CDH13: variants seen among roughly 807,000 people sequenced by gnomAD.
CDH13 encodes cadherin 13, also known as cadherin-13.
A neutral mutation model predicts 63.8 loss-of-function variants in CDH13; 24 were observed. The ratio of observed to expected loss-of-function variants is 0.38; its 90% CI spans 0.27 to 0.53. CDH13 has a LOEUF of 0.53. Ranked by LOEUF, CDH13 falls within the 20% of genes least tolerant of loss-of-function variation. The pLI is 0.85. For synonymous variants in CDH13, 503 were observed against 355.3 expected (o/e 1.42, Z -4.67); for missense variants, 1,049 against 903.1 (o/e 1.16, Z -2.07).
intron 1 of CDH13, among the ~76,000 whole-genome samples, chr16:82,650,233 AT>A (rs1265100832): frequency 6.6e-6 from 1 of 152,230 alleles, no homozygotes; most frequent in South Asian, 2.1e-4. Flanking sequence ...GTGAGGTTGC[AT>A]TTTTTTCTCC....
intron 4 of CDH13, among the ~76,000 whole-genome samples, chr16:83,201,786 G>C (rs528488988): frequency 6.6e-6 from 1 of 151,612 alleles, no homozygotes; most frequent in African/African-American, 2.4e-5. Context: ...GCGTGGTAGC[G>C]GGTGCCTGTA....
chr16:83,466,366 A>G (rs1201823359), intron 6 of CDH13, among the ~76,000 whole-genome samples: 1 of 152,176 alleles, frequency 6.6e-6, no homozygotes, highest in Non-Finnish European at 1.5e-5. Flanking sequence ...TCTAGCGGCA[A>G]TAAGCTGGAC....
At chr16:83,214,309 G>T (rs929676302) in intron 4 of CDH13, among the ~76,000 whole-genome samples, 2 of 152,042 alleles carry the variant, frequency 1.3e-5, no homozygotes, top group African/African-American at 4.8e-5. Flanking sequence ...GCCGGACGTG[G>T]TGGCTCACAC....
In CDH13 at chr16:82,978,723, G is replaced by A. The variant is rs554688009; in HGVS notation, c.158-53287G>A. Among the ~76,000 whole-genome samples the A allele has an allele frequency of 2.6e-5, 4 of 152,388 alleles. No homozygotes were observed. In the East Asian group the frequency reaches 7.7e-4, roughly 29 times the overall value. ...CGTGATGTCCAGGCAGAAGTTTGCTGCAGGGACAGAACACTCATGGAGAAC... is the reference window on the plus strand; with the variant it reads ...CGTGATGTCCAGGCAGAAGTTTGCTACAGGGACAGAACACTCATGGAGAAC... On this transcript the variant is annotated intron_variant, in intron 2 of 13. Transcript: ENST00000567109.
intron 7 of CDH13, among the ~76,000 whole-genome samples, chr16:83,543,838 T>C (rs1299910780): frequency 2.0e-5 from 3 of 152,174 alleles, no homozygotes; most frequent in Non-Finnish European, 2.9e-5. Flanking sequence ...ACGTCAGTAG[T>C]GCCAGCGTAG....
intron 2 of CDH13, among the ~76,000 whole-genome samples, chr16:82,887,924 A>G (rs2151216616): frequency 6.6e-6 from 1 of 152,256 alleles, no homozygotes; most frequent in Middle Eastern, 3.4e-3. Context: ...TGAAAACAGC[A>G]TGGAAGCCCA....
At position 83,096,802 on chromosome 16, in the gene CDH13, T is replaced by C. The variant is rs190698033; in HGVS notation, c.367-28583T>C. Among the ~76,000 whole-genome samples the C allele has an allele frequency of 1.1e-3, 168 of 152,364 alleles. 1 individual carries two copies. The highest frequency in any genetic ancestry group is 9.7e-3 in the South Asian group (47 of 4,832). On this transcript the variant is annotated intron_variant, in intron 3 of 13. Coordinates refer to ENST00000567109, the MANE Select transcript of CDH13 (RefSeq NM_001257.5). ...ACCGCAAGAGTAGATTGAATGCTAT[T>C]GTTCAGTTTGCACTTAAAAATGATG...
intron 1 of CDH13, among the ~76,000 whole-genome samples, chr16:82,788,856 C>G (rs1382148093): frequency 6.6e-6 from 1 of 152,188 alleles, no homozygotes; most frequent in Non-Finnish European, 1.5e-5. Flanking sequence ...ACATGCATGA[C>G]TCTTAATGCC....
At chr16:83,379,025 A>G (rs12445411) in intron 6 of CDH13, among the ~76,000 whole-genome samples, 64,458 of 147,318 alleles carry the variant, frequency 0.44, 15,552 homozygotes, top group East Asian at 0.71. Context: ...ACACACACAC[A>G]CGTGTGTGTA....
chr16:82,762,494 T>G (rs1218498496), intron 1 of CDH13, among the ~76,000 whole-genome samples: 1 of 152,236 alleles, frequency 6.6e-6, no homozygotes, highest in Non-Finnish European at 1.5e-5. Context: ...AATAAACCCC[T>G]AAGTCAGTAA....
At chr16:83,103,493 A>G (rs1204091644) in intron 3 of CDH13, among the ~76,000 whole-genome samples, 3 of 151,832 alleles carry the variant, frequency 2.0e-5, no homozygotes, top group Non-Finnish European at 4.4e-5. Context: ...TGATCCACCC[A>G]CCTCGGCCTC....
In CDH13 at chr16:83,256,425, T is replaced by C. The variant is rs376362344; in HGVS notation, c.636+38928T>C. Among the ~76,000 whole-genome samples the C allele has an allele frequency of 3.9e-5, 6 of 152,228 alleles. No homozygotes were observed. The South Asian group carries it at 1.0e-3, about 26-fold the overall frequency. On this transcript the variant is annotated intron_variant, in intron 5 of 13. Transcript: ENST00000567109. ...AACCTTGTCTTCATTTTAAGTATTG[T>C]CAGCTCAGAGTTCTAATGAGGCTAC...
At position 83,572,481 on chromosome 16, in the gene CDH13, C is replaced by G. The variant is rs183016371; in HGVS notation, c.961-29973C>G. Among the ~76,000 whole-genome samples the G allele has an allele frequency of 3.3e-5, 5 of 152,298 alleles. No homozygotes were observed. In the East Asian group the frequency reaches 9.7e-4, roughly 29 times the overall value. ...AAAACTCTCTTTCATTCCTCTGCTA[C>G]TCTCCCTCCTGGACCATCTCGTCTC... is the stretch of plus-strand genomic sequence containing the variant. On this transcript the variant is annotated intron_variant, in intron 7 of 13. Transcript: ENST00000567109.
intron 8 of CDH13, among the ~76,000 whole-genome samples, chr16:83,604,005 G>T (rs552568368): frequency 2.0e-5 from 3 of 152,056 alleles, no homozygotes; most frequent in South Asian, 4.1e-4. Context: ...ACAGCACTAG[G>T]GGGGTGGGTG....
intron 7 of CDH13, among the ~76,000 whole-genome samples, chr16:83,578,184 C>T (rs956398931): frequency 1.3e-5 from 2 of 152,202 alleles, no homozygotes; most frequent in East Asian, 1.9e-4. Context: ...AAATGGTACC[C>T]GGGTGAAAAT....
chr16:83,166,241 G>C (rs1049512565), intron 4 of CDH13, among the ~76,000 whole-genome samples: 2 of 152,050 alleles, frequency 1.3e-5, no homozygotes, highest in African/African-American at 4.8e-5. Context: ...GTGCTGCTCT[G>C]GTACAATTGA....
At chr16:82,788,020 T>C (rs1389331090) in intron 1 of CDH13, among the ~76,000 whole-genome samples, 2 of 152,198 alleles carry the variant, frequency 1.3e-5, no homozygotes, top group Non-Finnish European at 2.9e-5. Flanking sequence ...ACACCATTCA[T>C]AAGATTTAAA....
At chr16:82,691,862 C>G (rs1230558776) in intron 1 of CDH13, among the ~76,000 whole-genome samples, 1 of 152,062 alleles carries the variant, frequency 6.6e-6, no homozygotes, top group African/African-American at 2.4e-5. Context: ...TGAGAACTTG[C>G]TGGAAATGCA....
chr16:83,023,856 C>G (rs1321869200), intron 2 of CDH13, among the ~76,000 whole-genome samples: 1 of 152,094 alleles, frequency 6.6e-6, no homozygotes, highest in African/African-American at 2.4e-5. Flanking sequence ...TCTGTTTTCT[C>G]CAGGAGAAAG....
Sources: gnomAD v4.1 joint callset for allele counts (sites outside exome capture counted in the v4.1 genomes callset) on GRCh38, gnomAD v4.1.1 for gene constraint, MANE v1.5 for transcripts, NCBI Gene and HGNC (gene_info 2026-07-23, HGNC 2026-07-21) for gene names.